The following RAB27B variants were observed in gnomAD, a reference collection of about 807,000 sequenced individuals.
RAB27B encodes the protein RAB27B, member RAS oncogene family.
A neutral mutation model predicts 24.6 loss-of-function variants in RAB27B; 15 were observed. The observed-to-expected ratio is 0.61, with a 90% CI of 0.41 to 0.94. The LOEUF (loss-of-function observed/expected upper bound fraction) is 0.94. RAB27B is among the 40% of genes least tolerant of loss of function. RAB27B has a pLI of 0.00. For missense variants in RAB27B, 261 were observed against 266.8 expected, an observed-to-expected ratio of 0.98 and a Z score of 0.15; for synonymous variants, 105 against 92.5, an observed-to-expected ratio of 1.14 and a Z score of -0.78.
At chr18:54,751,096 G>T (rs577642025) in intron 2 of RAB27B, among the ~76,000 whole-genome samples, 1 of 152,314 alleles carries the variant, frequency 6.6e-6, no homozygotes, top group South Asian at 2.1e-4. Flanking sequence ...TAAGAGGGCA[G>T]TCAGACAGCT....
intron 5 of RAB27B, 104 bp from the exon 6 acceptor site, chr18:54,889,120 A>G: frequency 6.3e-6 from 7 of 1,108,382 alleles, no homozygotes; most frequent in East Asian, 5.4e-5. Context: ...TCATTTCACA[A>G]TCTCTCAGCC....
At position 54,889,481 on chromosome 18, in the gene RAB27B, C is replaced by G; in HGVS notation, c.*68C>G. ...TACTTTTAAAAACAATGACAAACCA[C>G]ACAATTGTTGTTGAGTAAACCACGC... On this transcript the variant is annotated 3_prime_UTR_variant, in exon 6 of 6. Coordinates refer to ENST00000262094, the MANE Select transcript of RAB27B (RefSeq NM_004163.4). The G allele has an allele frequency of 7.1e-7, 1 of 1,406,698 alleles. No individual in the cohort carries two copies. Among genetic ancestry groups the G allele is most frequent in the Non-Finnish European group, 9.6e-7 (1 of 1,047,010 alleles). The allele number at this position is 1,406,698 out of a possible 1,614,324, so 87.1% of individuals were successfully genotyped here. A position where few individuals can be genotyped will look rare whatever the true frequency, so the allele number is the denominator to read the frequency against.
At chr18:54,880,902 G>A (rs1473226390) in intron 3 of RAB27B, 1 of 152,054 alleles carries the variant, frequency 6.6e-6, no homozygotes, top group African/African-American at 2.4e-5. Context: ...GTATATATAA[G>A]GTGTAACTAA....
At chr18:54,833,234 C>CTTTTTTTTTTTTTTTTTTTTTTTTTTTTT (rs559070445) in intron 1 of RAB27B, among the ~76,000 whole-genome samples, 1 of 129,520 alleles carries the variant, frequency 7.7e-6, no homozygotes, top group Non-Finnish European at 1.6e-5. Flanking sequence ...TTCTTTCTTT[C>CTTTTTTTTTTTTTTTTTTTTTTTTTTTTT]TTTTTTTTTT....
intron 2 of RAB27B, among the ~76,000 whole-genome samples, chr18:54,812,550 A>AACACACACACACACACAC (rs10595171): frequency 5.8e-5 from 8 of 139,106 alleles, no homozygotes; most frequent in Admixed American, 1.4e-4. Flanking sequence ...GAACTCCTTT[A>AACACACACACACACACAC]ACACACACAC....
intron 2 of RAB27B, among the ~76,000 whole-genome samples, chr18:54,792,366 A>G (rs1013907864): frequency 1.3e-5 from 2 of 152,196 alleles, no homozygotes; most frequent in Admixed American, 1.3e-4. Context: ...ACTGTGCTCC[A>G]GCCTAAGCAA....
chr18:54,870,556 G>A (rs963315456), intron 1 of RAB27B, among the ~76,000 whole-genome samples: 1 of 152,112 alleles, frequency 6.6e-6, no homozygotes, highest in Admixed American at 6.5e-5. Context: ...AATTTGAGAG[G>A]AAGACCTAAA....
chr18:54,850,065 C>T (rs1239353916), intron 1 of RAB27B, among the ~76,000 whole-genome samples: 2 of 151,388 alleles, frequency 1.3e-5, no homozygotes, highest in Non-Finnish European at 2.9e-5. Flanking sequence ...GTATTAAGAC[C>T]CCCAAATCTG....
At chr18:54,752,702 C>T (rs1275656514) in intron 2 of RAB27B, among the ~76,000 whole-genome samples, 2 of 152,150 alleles carry the variant, frequency 1.3e-5, no homozygotes, top group African/African-American at 4.8e-5. Flanking sequence ...TGTGTTCCTC[C>T]CAGCAGCCAG....
chr18:54,831,700 G>A (rs1456033940), intron 1 of RAB27B, among the ~76,000 whole-genome samples: 2 of 152,096 alleles, frequency 1.3e-5, no homozygotes, highest in Non-Finnish European at 2.9e-5. Context: ...AATGTTAAAG[G>A]GTAATACAAT....
chr18:54,817,681 A>G (rs924296296), intron 2 of RAB27B, among the ~76,000 whole-genome samples: 12 of 152,046 alleles, frequency 7.9e-5, no homozygotes, highest in African/African-American at 2.2e-4. Context: ...GATTAAGTTT[A>G]TAGCTATTCA....
intron 1 of RAB27B, among the ~76,000 whole-genome samples, chr18:54,840,714 C>T (rs1911074177): frequency 6.6e-6 from 1 of 152,162 alleles, no homozygotes. Flanking sequence ...TTGTCTTCCT[C>T]CTGTAGAGTT....
chr18:54,861,299 C>G (rs965696244), intron 1 of RAB27B, among the ~76,000 whole-genome samples: 2 of 152,198 alleles, frequency 1.3e-5, no homozygotes, highest in African/African-American at 4.8e-5. Flanking sequence ...AAAACCAAAT[C>G]TTTTTCTTTA....
chr18:54,806,294 G>T (rs1909788227), intron 2 of RAB27B, among the ~76,000 whole-genome samples: 1 of 151,970 alleles, frequency 6.6e-6, no homozygotes, highest in African/African-American at 2.4e-5. Context: ...CTCCTCTTAG[G>T]GAGATGCAGC....
chr18:54,844,074 A>G (rs1161536190), intron 1 of RAB27B, among the ~76,000 whole-genome samples: 1 of 152,216 alleles, frequency 6.6e-6, no homozygotes, highest in Non-Finnish European at 1.5e-5. Context: ...TAAGGGTGCC[A>G]CTTCGAGAAC....
chr18:54,748,439 C>A (rs1260737451), intron 2 of RAB27B, among the ~76,000 whole-genome samples: 1 of 152,170 alleles, frequency 6.6e-6, no homozygotes, highest in Non-Finnish European at 1.5e-5. Context: ...CCAAATGAAT[C>A]ACTCAAGTTT....
Position 54,850,333 on chromosome 18 carries a change from GATATATATATAT to G in RAB27B, c.-20+21649_-20+21660del, listed in dbSNP as rs35735191. On this transcript the variant is annotated intron_variant, in intron 1 of 5. Coordinates refer to ENST00000262094, the MANE Select transcript of RAB27B (RefSeq NM_004163.4). ...TATTTATTTAAAAGCAAACAAACAG[GATATATATATAT>G]ATATATATATATATACATACATACA... Among the ~76,000 whole-genome samples the G allele has an allele frequency of 8.4e-5, 8 of 95,174 alleles. No individual in the cohort carries two copies. In the South Asian group the frequency reaches 1.4e-3, roughly 16 times the overall value. The allele number at this position is 95,174 out of a possible 152,430, so 62.4% of individuals were successfully genotyped here.
intron 2 of RAB27B, among the ~76,000 whole-genome samples, chr18:54,725,647 G>A (rs2144980455): frequency 6.6e-6 from 1 of 151,596 alleles, no homozygotes; most frequent in African/African-American, 2.4e-5. Context: ...TCTTCACACG[G>A]TGGCAGGAGA....
At chr18:54,883,358 C>G (rs1913003814) in intron 3 of RAB27B, among the ~76,000 whole-genome samples, 1 of 152,032 alleles carries the variant, frequency 6.6e-6, no homozygotes, top group Admixed American at 6.6e-5. Context: ...CTGAGGAAAC[C>G]AACACAAAGG....
Sources: allele counts gnomAD v4.1 joint callset (sites outside exome capture counted in the v4.1 genomes callset), GRCh38; gene constraint gnomAD v4.1.1; transcripts MANE v1.5; gene names NCBI Gene and HGNC (gene_info 2026-07-23, HGNC 2026-07-21).